LIX1: variants seen among roughly 807,000 people sequenced by gnomAD.
LIX1 encodes protein limb expression 1 homolog.
Under a neutral mutation model 33.4 loss-of-function variants are expected in LIX1, and 24 were observed. That is an observed-to-expected ratio of 0.72 (90% CI 0.52 to 1.01). The LOEUF is 1.01. LIX1 is among the 50% of genes least tolerant of loss of function. The pLI is 0.00. For missense variants in LIX1, 311 were observed against 339.2 expected (o/e 0.92, Z 0.65); for synonymous variants, 124 against 124.0 (o/e 1.00, Z 0.00).
intron 2 of LIX1, 86 bp from the exon 3 acceptor site, chr5:97,107,586 C>A: frequency 7.3e-7 from 1 of 1,376,484 alleles, no homozygotes; most frequent in South Asian, 1.2e-5. Context: ...CTGGACATTT[C>A]TATTTATACA....
chr5:97,125,371 C>G (rs1393239653), intron 1 of LIX1, among the ~76,000 whole-genome samples: 1 of 152,190 alleles, frequency 6.6e-6, no homozygotes, highest in Non-Finnish European at 1.5e-5. Context: ...TAGAAATTAA[C>G]AAGGATAATA....
intron 1 of LIX1, among the ~76,000 whole-genome samples, chr5:97,141,731 T>A (rs1748294117): frequency 6.6e-6 from 1 of 152,202 alleles, no homozygotes; most frequent in South Asian, 2.1e-4. Flanking sequence ...TGAAACCCAC[T>A]GTAGATAAGA....
At position 97,102,387 on chromosome 5, in the gene LIX1, A is replaced by G. The variant is rs1366975792; in HGVS notation, c.483+2803T>C. ...GCAGAAGCATTTAACCCAGGCCACT[A>G]AGGAATGTGCCAGGTCCCAGCAGGC... On this transcript the variant is annotated intron_variant, in intron 4 of 5. Transcript: ENST00000274382. 3.3e-5 allele frequency among the ~76,000 whole-genome samples: 5 copies of G among 152,046 alleles called. No homozygotes were observed. In the East Asian group the frequency reaches 9.7e-4, roughly 30 times the overall value.
chr5:97,105,501 A>G (rs1194214412), intron 3 of LIX1, among the ~76,000 whole-genome samples: 2 of 152,186 alleles, frequency 1.3e-5, no homozygotes, highest in African/African-American at 2.4e-5. Flanking sequence ...TGATAGAATA[A>G]TTTTCCAAAA....
intron 4 of LIX1, among the ~76,000 whole-genome samples, chr5:97,101,023 A>C: frequency 6.6e-6 from 1 of 151,788 alleles, no homozygotes; most frequent in East Asian, 1.9e-4. Flanking sequence ...TTTGTGGGGT[A>C]ATCTGGAAGC....
chr5:97,099,468 A>T (rs1251878406), intron 4 of LIX1, among the ~76,000 whole-genome samples: 2 of 152,138 alleles, frequency 1.3e-5, no homozygotes, highest in African/African-American at 2.4e-5. Context: ...AATAAGAAAA[A>T]TTTTTTGGTT....
At chr5:97,132,109 T>C (rs776747136) in intron 1 of LIX1, among the ~76,000 whole-genome samples, 18 of 152,182 alleles carry the variant, frequency 1.2e-4, no homozygotes, top group Admixed American at 2.0e-4. Flanking sequence ...AAAAATACCA[T>C]ATGGGATCAG....
chr5:97,113,146 T>C (rs754215685), intron 2 of LIX1, among the ~76,000 whole-genome samples: 3 of 152,228 alleles, frequency 2.0e-5, no homozygotes, highest in Non-Finnish European at 2.9e-5. Flanking sequence ...AAGGCATACA[T>C]GGCAGATAAC....
intron 2 of LIX1, among the ~76,000 whole-genome samples, chr5:97,123,292 G>A (rs934989833): frequency 6.6e-6 from 1 of 152,044 alleles, no homozygotes; most frequent in Non-Finnish European, 1.5e-5. Context: ...ATAGGGGAGG[G>A]CGATTGCTGT....
At chr5:97,131,716 C>G (rs1748060640) in intron 1 of LIX1, among the ~76,000 whole-genome samples, 1 of 152,240 alleles carries the variant, frequency 6.6e-6, no homozygotes, top group Non-Finnish European at 1.5e-5. Flanking sequence ...CATTTGGAAT[C>G]TAAGAAACCT....
intron 4 of LIX1, among the ~76,000 whole-genome samples, chr5:97,103,340 A>T (rs1170582644): frequency 6.6e-6 from 1 of 152,178 alleles, no homozygotes; most frequent in Non-Finnish European, 1.5e-5. Flanking sequence ...TTCCTTCAGA[A>T]ATACATCTAA....
chr5:97,142,467 A>G (rs1748309665), intron 1 of LIX1, 28 bp downstream of exon 1: 2 of 1,569,840 alleles, frequency 1.3e-6, no homozygotes, highest in Non-Finnish European at 1.8e-6. Context: ...CTAAAAAGTC[A>G]AAAAACTTTT....
intron 3 of LIX1, among the ~76,000 whole-genome samples, chr5:97,106,367 C>T (rs1472663193): frequency 6.6e-6 from 1 of 152,230 alleles, no homozygotes; most frequent in African/African-American, 2.4e-5. Flanking sequence ...TCTCCTGCTC[C>T]TTCCTTATCT....
chr5:97,124,951 T>G (rs1288597410), intron 1 of LIX1, among the ~76,000 whole-genome samples: 1 of 152,136 alleles, frequency 6.6e-6, no homozygotes, highest in Non-Finnish European at 1.5e-5. Context: ...ACTCTATAAA[T>G]TAATTTTTAA....
intron 4 of LIX1, chr5:97,103,075 A>G (rs893123201): frequency 7.9e-5 from 36 of 453,086 alleles, no homozygotes; most frequent in African/African-American, 7.3e-4. Context: ...GGCAAGTGGT[A>G]GAGCAGACTT....
At chr5:97,108,768 C>A (rs1372547640) in intron 2 of LIX1, among the ~76,000 whole-genome samples, 1 of 152,140 alleles carries the variant, frequency 6.6e-6, no homozygotes, top group Non-Finnish European at 1.5e-5. Flanking sequence ...GGGAGCTAAT[C>A]TTCTCATTGG....
chr5:97,092,049 T>C lies in LIX1; in HGVS notation c.*2699A>G, dbSNP rs1746095514. The C allele has an allele frequency of 6.6e-6, 1 of 152,300 alleles. No individual in the cohort carries two copies. Among genetic ancestry groups the C allele is most frequent in the African/African-American group, 2.4e-5 (1 of 41,444 alleles). 9.4% of individuals were successfully genotyped at this position (152,300 alleles called of 1,614,324 possible). On this transcript the variant is annotated 3_prime_UTR_variant, in exon 6 of 6. Transcript: ENST00000274382. ...ATTTTGGATTTCAGGATTATGACAG[T>C]TGTGTTAGAAACAGGCTACCTGGGC... is the stretch of plus-strand genomic sequence containing the variant.
chr5:97,118,848 A>G (rs186409595), intron 2 of LIX1, among the ~76,000 whole-genome samples: 6 of 150,774 alleles, frequency 4.0e-5, no homozygotes, highest in African/African-American at 1.5e-4. Flanking sequence ...TCTCTCTTTC[A>G]TTCTCTCTCT....
chr5:97,107,451 A>G lies in LIX1; in HGVS notation c.296T>C (p.Leu99Pro). 1 of 1,613,656 alleles carries G rather than the reference A, an allele frequency of 6.2e-7. No individual in the cohort carries two copies. Among genetic ancestry groups the G allele is most frequent in the Non-Finnish European group, 8.5e-7 (1 of 1,180,010 alleles). Residue 99 changes from leucine to proline, a missense_variant, in exon 3 of 6, where the codon CTG becomes CCG. Coordinates refer to ENST00000274382, the MANE Select transcript of LIX1 (RefSeq NM_153234.5). ...CAGCTCATTGAAGAGGGAGTTGATC[A>G]GGGCCACTTTAGCTGCATCCCGCCT... ...EARRDAAKVA[L>P]INSLFNELPS... is the part of the protein sequence containing the mutation.
Sources: gnomAD v4.1 joint callset for allele counts (sites outside exome capture counted in the v4.1 genomes callset) on GRCh38, gnomAD v4.1.1 for gene constraint, MANE v1.5 for transcripts, NCBI Gene and HGNC (gene_info 2026-07-23, HGNC 2026-07-21) for gene names.